CRYBG3: variants seen among roughly 807,000 people sequenced by gnomAD.
CRYBG3 encodes crystallin beta-gamma domain containing 3.
Under a neutral mutation model 244.2 loss-of-function variants are expected in CRYBG3, and 127 were observed. The observed-to-expected ratio is 0.52, with a 90% CI of 0.45 to 0.60. CRYBG3 has a LOEUF of 0.60. Ranked by LOEUF, CRYBG3 falls within the 20% of genes least tolerant of loss-of-function variation. CRYBG3 has a pLI of 0.00. For synonymous variants in CRYBG3, 1,132 were observed against 1,195.8 expected, an observed-to-expected ratio of 0.95 and a Z score of 1.10; for missense variants, 3,325 against 3,442.5, an observed-to-expected ratio of 0.97 and a Z score of 0.85.
chr3:97,857,885 A>G (rs531058354), intron 2 of CRYBG3, among the ~76,000 whole-genome samples: 1 of 152,080 alleles, frequency 6.6e-6, no homozygotes. Context: ...CATTTCGTAT[A>G]TACATTGTTC....
chr3:97,849,658 C>T (rs2038956007), intron 2 of CRYBG3, among the ~76,000 whole-genome samples: 1 of 152,108 alleles, frequency 6.6e-6, no homozygotes, highest in South Asian at 2.1e-4. Context: ...TGGAATGTTC[C>T]TACATTGCGG....
chr3:97,874,168 A>G lies in CRYBG3; in HGVS notation c.2974A>G (p.Asn992Asp), dbSNP rs764284373. The change falls in exon 4 of 22, where the codon AAT becomes GAT. Residue 992 changes from asparagine (N) to aspartate (D), a missense_variant. By Grantham distance (23) the Asn-to-Asp change is conservative. This residue lies in a region of CRYBG3 where 1,526 missense variants were observed against 1,443.2 expected (regional missense o/e 1.06). Transcript: ENST00000389622. Reference sequence around the variant, plus strand: ...AGAAATGGCGGAACTCAGCTTAACTAATATTTCCCCTAAATTCCAAGAAAC... The same window carrying G: ...AGAAATGGCGGAACTCAGCTTAACTGATATTTCCCCTAAATTCCAAGAAAC... Reference protein sequence around the residue: ...HSEMAELSLTNISPKFQETGS... With the variant: ...HSEMAELSLTDISPKFQETGS... The G allele has an allele frequency of 7.8e-6, 12 of 1,530,870 alleles. No homozygotes were observed. The highest frequency in any genetic ancestry group is 1.7e-4 in the Middle Eastern group (1 of 5,992). The allele number at this position is 1,530,870 out of a possible 1,614,324, so 94.8% of individuals were successfully genotyped here. A position where few individuals can be genotyped will look rare whatever the true frequency, so the allele number is the denominator to read the frequency against.
intron 2 of CRYBG3, among the ~76,000 whole-genome samples, chr3:97,846,720 A>G (rs2038908191): frequency 6.6e-6 from 1 of 152,048 alleles, no homozygotes; most frequent in Admixed American, 6.6e-5. Flanking sequence ...GTGTCTTCAA[A>G]TCCTAAGTCA....
intron 6 of CRYBG3, 101 bp from the exon 7 acceptor site, chr3:97,880,971 C>A: frequency 1.2e-6 from 1 of 852,112 alleles, no homozygotes; most frequent in Non-Finnish European, 1.7e-6. Flanking sequence ...TGGAAGATAT[C>A]CCAGCTTAAA....
intron 1 of CRYBG3, among the ~76,000 whole-genome samples, chr3:97,839,915 A>G (rs2038788680): frequency 6.6e-6 from 1 of 152,036 alleles, no homozygotes; most frequent in South Asian, 2.1e-4. Flanking sequence ...TTGTCTAACA[A>G]ATAACTATTT....
At chr3:97,879,482 CTGTT>C (rs1260905059) in intron 4 of CRYBG3, among the ~76,000 whole-genome samples, 1 of 152,160 alleles carries the variant, frequency 6.6e-6, no homozygotes, top group Non-Finnish European at 1.5e-5. Context: ...ATATGATCAT[CTGTT>C]TGACCCATTC....
chr3:97,937,065 A>G (rs999993040), intron 19 of CRYBG3, among the ~76,000 whole-genome samples, 157 bp downstream of exon 19: 1 of 152,034 alleles, frequency 6.6e-6, no homozygotes, highest in African/African-American at 2.4e-5. Context: ...ATTTTAACCA[A>G]TTTGTAAGAT....
chr3:97,904,852 A>G (rs957456270), intron 15 of CRYBG3, among the ~76,000 whole-genome samples: 6 of 150,406 alleles, frequency 4.0e-5, no homozygotes, highest in Non-Finnish European at 5.9e-5. Context: ...CTCGTCATCT[A>G]GCATTAGGTA....
chr3:97,877,591 C>A lies in CRYBG3; in HGVS notation c.6397C>A (p.Arg2133Ser). ...VLSLLQSVSE[R>S]LKMNFDEDDR... ...ATCCCTTCTCCAGTCAGTGTCAGAA[C>A]GTTTAAAGATGAATTTTGATGAAGA... The change falls in exon 4 of 22, where the codon CGT (arginine) becomes AGT (serine). Residue 2133 changes from arginine to serine, a missense_variant. By Grantham distance (110) the Arg-to-Ser change is moderately radical. Transcript: ENST00000389622. The A allele has an allele frequency of 6.2e-7, 1 of 1,613,860 alleles. No homozygotes were observed. Among genetic ancestry groups the A allele is most frequent in the African/African-American group, 1.3e-5 (1 of 74,922 alleles).
At position 97,873,820 on chromosome 3, in the gene CRYBG3, A is replaced by G; in HGVS notation, c.2626A>G (p.Thr876Ala). ...AGAAAAGCCTATTTTGTCAGAATTAACCTTTCTAGAAGTTGAACAGGGCAA... is the reference window on the plus strand; with the variant it reads ...AGAAAAGCCTATTTTGTCAGAATTAGCCTTTCTAGAAGTTGAACAGGGCAA... ...VPEKPILSEL[T>A]FLEVEQGKRF... Residue 876 changes from threonine (T) to alanine (A), a missense_variant, in exon 4 of 22, where the codon ACC (threonine) becomes GCC (alanine). By Grantham distance (58) the Thr-to-Ala change is moderately conservative. Around this residue, in one of 4 missense-constraint regions of CRYBG3, gnomAD observed 1,526 missense variants for 1,443.2 expected, o/e 1.06. Coordinates refer to ENST00000389622, the MANE Select transcript of CRYBG3 (RefSeq NM_153605.4). 6.5e-7 allele frequency: 1 copy of G among 1,533,268 alleles called. No individual in the cohort carries two copies. The highest frequency in any genetic ancestry group is 8.7e-7 in the Non-Finnish European group (1 of 1,146,020). The allele number at this position is 1,533,268 out of a possible 1,614,324, so 95.0% of individuals were successfully genotyped here.
rs141117390 is a variant in CRYBG3 at position 97,901,205 on chromosome 3, A to G, written c.8004+720A>G. ...TCAGGGTTTTACATCAAAGAAAGAC[A>G]TAATCATGATACGAGCAGTACAACT... is the stretch of plus-strand genomic sequence containing the variant. On this transcript the variant is annotated intron_variant, in intron 15 of 21. Coordinates refer to ENST00000389622, the MANE Select transcript of CRYBG3 (RefSeq NM_153605.4). Among the ~76,000 whole-genome samples the G allele has an allele frequency of 5.9e-5, 9 of 152,346 alleles. 1 individual carries two copies. The highest frequency in any genetic ancestry group is 2.2e-4 in the African/African-American group (9 of 41,592).
At chr3:97,866,000 GACA>G (rs1392153364) in intron 3 of CRYBG3, among the ~76,000 whole-genome samples, 2 of 152,052 alleles carry the variant, frequency 1.3e-5, no homozygotes, top group Non-Finnish European at 2.9e-5. Flanking sequence ...AAGCAATTTA[GACA>G]ACAACTCACC....
chr3:97,868,762 C>A (rs1285601701), intron 3 of CRYBG3, among the ~76,000 whole-genome samples: 1 of 152,102 alleles, frequency 6.6e-6, no homozygotes, highest in Admixed American at 6.5e-5. Flanking sequence ...TATTAGAAGT[C>A]CTTTTGGATC....
At chr3:97,937,022 G>C in intron 19 of CRYBG3, 114 bp downstream of exon 19, 2 of 1,151,086 alleles carry the variant, frequency 1.7e-6, no homozygotes, top group Non-Finnish European at 2.5e-6. Flanking sequence ...TTACATAGTA[G>C]GGGGAGTGAA....
At chr3:97,858,899 T>C (rs1232208760) in intron 2 of CRYBG3, among the ~76,000 whole-genome samples, 1 of 152,230 alleles carries the variant, frequency 6.6e-6, no homozygotes, top group Non-Finnish European at 1.5e-5. Context: ...CTTGTATTCC[T>C]ACATTGTTAC....
chr3:97,826,033 A>G (rs1329492728), intron 1 of CRYBG3, among the ~76,000 whole-genome samples: 1 of 152,254 alleles, frequency 6.6e-6, no homozygotes. Flanking sequence ...TCAGCAGTTC[A>G]TGCCTTCAGT....
At chr3:97,917,656 A>G (rs745702285) in intron 17 of CRYBG3, among the ~76,000 whole-genome samples, 3 of 152,096 alleles carry the variant, frequency 2.0e-5, no homozygotes, top group Non-Finnish European at 2.9e-5. Flanking sequence ...GTGTTTTGTA[A>G]TAAGTGGATT....
chr3:97,869,918 T>C (rs564199362), intron 3 of CRYBG3, among the ~76,000 whole-genome samples: 1 of 152,290 alleles, frequency 6.6e-6, no homozygotes, highest in East Asian at 1.9e-4. Flanking sequence ...AAAAGAGATA[T>C]ACTTTCTCTT....
intron 2 of CRYBG3, among the ~76,000 whole-genome samples, chr3:97,857,659 T>C (rs995099866): frequency 3.3e-5 from 5 of 152,110 alleles, no homozygotes; most frequent in Non-Finnish European, 7.4e-5. Context: ...TTGGCTTCCA[T>C]TTGTATGGAA....
Sources: allele counts gnomAD v4.1 joint callset (sites outside exome capture counted in the v4.1 genomes callset), GRCh38; gene constraint gnomAD v4.1.1; regional missense constraint gnomAD v4.1.1; transcripts MANE v1.5; gene names NCBI Gene and HGNC (gene_info 2026-07-23, HGNC 2026-07-21).